Variants in KANSL3 observed in about 807,000 individuals in gnomAD.
KANSL3 encodes KAT8 regulatory NSL complex subunit 3.
A neutral mutation model predicts 89.2 loss-of-function variants in KANSL3; 16 were observed. The observed-to-expected ratio is 0.18, with a 90% CI of 0.12 to 0.27. The LOEUF (loss-of-function observed/expected upper bound fraction) is 0.27. KANSL3 is among the 10% of genes least tolerant of loss of function. The pLI is 1.00. For synonymous variants in KANSL3, 385 were observed against 419.7 expected (o/e 0.92, Z 1.01); for missense variants, 879 against 1,110.6 (o/e 0.79, Z 2.96).
At chr2:96,637,633 T>C (rs1286206380) in intron 1 of KANSL3, among the ~76,000 whole-genome samples, 4 of 152,202 alleles carry the variant, frequency 2.6e-5, no homozygotes, top group Admixed American at 2.6e-4. Flanking sequence ...AGCTAGAGCG[T>C]GGGCACCCCT....
chr2:96,586,739 G>A, the KANSL3 span, among the ~76,000 whole-genome samples: 10 of 152,260 alleles, frequency 6.6e-5, no homozygotes, highest in Non-Finnish European at 1.0e-4. Context: ...CAATCTTCCC[G>A]AGTAGCCAGC....
At chr2:96,628,691 G>T in intron 3 of KANSL3, 1 of 152,096 alleles carries the variant, frequency 6.6e-6, no homozygotes, top group Non-Finnish European at 1.5e-5. Flanking sequence ...GGTATTTATA[G>T]TATTATTAAG....
Position 96,594,550 on chromosome 2 carries a change from C to T in KANSL3, c.*1061G>A, listed in dbSNP as rs2066404022. 1 of 152,188 alleles carries T rather than the reference C, an allele frequency of 6.6e-6. No individual in the cohort carries two copies. The highest frequency in any genetic ancestry group is 1.5e-5 in the Non-Finnish European group (1 of 68,048). The allele number at this position is 152,188 out of a possible 1,614,324, so 9.4% of individuals were successfully genotyped here. A position where few individuals can be genotyped will look rare whatever the true frequency, so the allele number is the denominator to read the frequency against. On this transcript the variant is annotated 3_prime_UTR_variant, in exon 21 of 21. Coordinates refer to ENST00000431828, the MANE Select transcript of KANSL3 (RefSeq NM_001115016.3). ...AAGTCTCATGAAATAGAAACGAAAA[C>T]ACTGAAGCATGGCCTTCATCGTCCT...
In KANSL3 at chr2:96,612,852, C is replaced by T. The variant is rs2105501261; in HGVS notation, c.878G>A (p.Arg293His). 3 of 1,569,582 alleles carry T rather than the reference C, an allele frequency of 1.9e-6. No individual in the cohort carries two copies. Among genetic ancestry groups the T allele is most frequent in the Admixed American group, 1.9e-5 (1 of 52,646 alleles). Reference sequence around the variant, plus strand: ...GCAGGACAGCTGAGATTGCCAGAAGCGGTGGCGGCGTGAAGTGGGAAACAC... The same window carrying T: ...GCAGGACAGCTGAGATTGCCAGAAGTGGTGGCGGCGTGAAGTGGGAAACAC... The part of the protein sequence containing the change: ...SSVFPTSRRH[R>H]FWQSQLSCLG... Residue 293 changes from arginine (R) to histidine (H), a missense_variant, in exon 7 of 21, where the codon CGC (arginine) becomes CAC (histidine). Arg to His is a conservative substitution (Grantham distance 29, BLOSUM62 0). This residue lies in a region of KANSL3 where 198 missense variants were observed against 260.3 expected (regional missense o/e 0.76). Coordinates refer to ENST00000431828, the MANE Select transcript of KANSL3 (RefSeq NM_001115016.3).
At chr2:96,604,213 C>A in intron 17 of KANSL3, 37 bp downstream of exon 17, 2 of 1,551,942 alleles carry the variant, frequency 1.3e-6, no homozygotes, top group South Asian at 1.2e-5. Context: ...ACCAAAAATT[C>A]TGTGTTGGAA....
At chr2:96,608,787 G>A in intron 13 of KANSL3, 77 bp downstream of exon 13, 2 of 1,519,532 alleles carry the variant, frequency 1.3e-6, no homozygotes, top group Non-Finnish European at 8.9e-7. Context: ...TAAGACAGAG[G>A]CATCCCCAGG....
chr2:96,617,807 A>AC (rs751556441), intron 5 of KANSL3, among the ~76,000 whole-genome samples: 44 of 151,702 alleles, frequency 2.9e-4, no homozygotes, highest in Admixed American at 5.9e-4. Context: ...ACATGGTGAA[A>AC]CCCTATCTCT....
intron 5 of KANSL3, among the ~76,000 whole-genome samples, chr2:96,617,288 C>G (rs1049986092): frequency 2.0e-5 from 3 of 152,176 alleles, no homozygotes; most frequent in African/African-American, 7.2e-5. Flanking sequence ...CACCCCAGTA[C>G]CTGACACACG....
chr2:96,602,050 G>A, intron 19 of KANSL3, 66 bp downstream of exon 19: 1 of 1,445,224 alleles, frequency 6.9e-7, no homozygotes, highest in Non-Finnish European at 9.4e-7. Context: ...GCCCACATGA[G>A]ATGGGAAGGT....
At chr2:96,584,291 C>T in the KANSL3 span, among the ~76,000 whole-genome samples, 4 of 152,284 alleles carry the variant, frequency 2.6e-5, no homozygotes, top group Admixed American at 6.5e-5. Context: ...GCTTAGATTA[C>T]AGGCATGAGC....
chr2:96,608,927 A>T lies in KANSL3; in HGVS notation c.1521T>A (p.Pro507=). ...GGGAGGCAGGTCGACTGCCCCGCTC[A>T]GGGACTTCAAAGGCCAAGTCTCTGC... ...VARRDLAFEV[P]ERGSRPASPA... The change falls in exon 13 of 21, where the codon CCT becomes CCA. Residue 507 remains proline (P), a synonymous_variant. Coordinates refer to ENST00000431828, the MANE Select transcript of KANSL3 (RefSeq NM_001115016.3). 6.4e-7 allele frequency: 1 copy of T among 1,570,178 alleles called. No individual in the cohort carries two copies. The highest frequency in any genetic ancestry group is 8.6e-7 in the Non-Finnish European group (1 of 1,157,534).
intron 3 of KANSL3, among the ~76,000 whole-genome samples, chr2:96,622,197 G>A (rs1167876598): frequency 2.0e-5 from 3 of 152,186 alleles, no homozygotes; most frequent in African/African-American, 7.2e-5. Context: ...GCTGAGGCAG[G>A]AGGACAGCTT....
chr2:96,610,318 AT>A (rs761473352), intron 11 of KANSL3: 226 of 143,638 alleles, frequency 1.6e-3, no homozygotes, highest in Middle Eastern at 3.5e-3. Flanking sequence ...TCTTTTTTTA[AT>A]TTTTTTTTTT....
intron 3 of KANSL3, among the ~76,000 whole-genome samples, chr2:96,620,441 C>T (rs1222732231): frequency 1.3e-5 from 2 of 152,180 alleles, no homozygotes; most frequent in Admixed American, 1.3e-4. Flanking sequence ...CACTGGTATT[C>T]ACACATCTAC....
chr2:96,612,928 G>A lies in KANSL3; in HGVS notation c.802C>T (p.Leu268Phe). 1 of 1,557,436 alleles carries A rather than the reference G, an allele frequency of 6.4e-7. No homozygotes were observed. The highest frequency in any genetic ancestry group is 8.7e-7 in the Non-Finnish European group (1 of 1,150,000). Reference sequence around the variant, plus strand: ...ATGAGAATCAGCGGAGAGCCAGGGAGTTTGCTCTAAAGAGGAAGAATCCCA... The same window carrying A: ...ATGAGAATCAGCGGAGAGCCAGGGAATTTGCTCTAAAGAGGAAGAATCCCA... ...GVLSHNKPSK[L>F]PGSPLILIAS... Residue 268 changes from leucine to phenylalanine, a missense_variant, in exon 7 of 21, where the codon CTC becomes TTC. Around this residue, in one of 6 missense-constraint regions of KANSL3, gnomAD observed 198 missense variants for 260.3 expected, o/e 0.76. Coordinates refer to ENST00000431828, the MANE Select transcript of KANSL3 (RefSeq NM_001115016.3).
chr2:96,588,094 T>C, the KANSL3 span, among the ~76,000 whole-genome samples: 30 of 151,964 alleles, frequency 2.0e-4, no homozygotes, highest in Non-Finnish European at 3.8e-4. Flanking sequence ...GAAAAAATAG[T>C]GGCTGAAAAT....
At chr2:96,620,365 A>G (rs1321956834) in intron 3 of KANSL3, among the ~76,000 whole-genome samples, 1 of 152,170 alleles carries the variant, frequency 6.6e-6, no homozygotes, top group Non-Finnish European at 1.5e-5. Flanking sequence ...ATGCCACACA[A>G]TTAGCAAATT....
At chr2:96,603,763 A>C (rs1044082341) in intron 17 of KANSL3, 1 of 152,720 alleles carries the variant, frequency 6.5e-6, no homozygotes, top group Admixed American at 6.5e-5. Flanking sequence ...AAAACAGCAA[A>C]GTAAAACCAC....
rs1181630480 is a variant in KANSL3 at position 96,612,271 on chromosome 2, A to T, written c.1086+11T>A. The T allele has an allele frequency of 1.9e-6, 3 of 1,595,378 alleles. No homozygotes were observed. The highest frequency in any genetic ancestry group is 2.6e-6 in the Non-Finnish European group (3 of 1,162,912). On this transcript the variant is annotated intron_variant, in intron 9 of 20. Coordinates refer to ENST00000431828, the MANE Select transcript of KANSL3 (RefSeq NM_001115016.3). ...CCAGGACAACCTCCAAATAAGATAG[A>T]AATTACTTACATGACAGGCCACCAA... is the stretch of plus-strand genomic sequence containing the variant.
Sources: allele counts gnomAD v4.1 joint callset (sites outside exome capture counted in the v4.1 genomes callset), GRCh38; gene constraint gnomAD v4.1.1; regional missense constraint gnomAD v4.1.1; transcripts MANE v1.5; gene names NCBI Gene and HGNC (gene_info 2026-07-23, HGNC 2026-07-21).